AP1G1: variants seen among roughly 807,000 people sequenced by gnomAD.
AP1G1 encodes AP-1 complex subunit gamma-1.
Under a neutral mutation model 108.3 loss-of-function variants are expected in AP1G1, and 7 were observed. That is an observed-to-expected ratio of 0.06 (90% CI 0.04 to 0.12). The LOEUF is 0.12. AP1G1 is among the 10% of genes least tolerant of loss of function. The pLI is 1.00. For synonymous variants in AP1G1, 379 were observed against 353.5 expected, an observed-to-expected ratio of 1.07 and a Z score of -0.81; for missense variants, 756 against 1,010.7, an observed-to-expected ratio of 0.75 and a Z score of 3.42.
chr16:71,779,779 T>G (rs898271742), intron 2 of AP1G1, among the ~76,000 whole-genome samples: 2 of 152,144 alleles, frequency 1.3e-5, no homozygotes, highest in Non-Finnish European at 2.9e-5. Flanking sequence ...CGGTTACCCC[T>G]GGATAAAAGC....
At chr16:71,791,539 G>T (rs539085621) in intron 1 of AP1G1, among the ~76,000 whole-genome samples, 2 of 152,066 alleles carry the variant, frequency 1.3e-5, no homozygotes, top group Admixed American at 1.3e-4. Flanking sequence ...AAAAAAGTTA[G>T]CCAAACATAG....
chr16:71,766,186 T>C (rs2031305141), intron 6 of AP1G1, among the ~76,000 whole-genome samples: 1 of 152,162 alleles, frequency 6.6e-6, no homozygotes, highest in Admixed American at 6.5e-5. Context: ...TCTTTCATCT[T>C]AAGAGACATC....
At chr16:71,739,429 G>A in intron 19 of AP1G1, 88 bp from the exon 20 acceptor site, 1 of 1,064,924 alleles carries the variant, frequency 9.4e-7, no homozygotes, top group Non-Finnish European at 1.3e-6. Flanking sequence ...TTCGGTCTCA[G>A]GTTAAGGAAA....
At chr16:71,792,836 G>A (rs987038889) in intron 1 of AP1G1, among the ~76,000 whole-genome samples, 2 of 151,670 alleles carry the variant, frequency 1.3e-5, no homozygotes, top group East Asian at 3.9e-4. Context: ...CCAGGGTGAC[G>A]GAGCGAGACT....
intron 21 of AP1G1, among the ~76,000 whole-genome samples, 190 bp downstream of exon 21, chr16:71,738,752 G>C (rs1227560208): frequency 1.3e-5 from 2 of 152,058 alleles, no homozygotes; most frequent in Non-Finnish European, 2.9e-5. Flanking sequence ...CAGAATACTT[G>C]TAACCTAGTA....
chr16:71,807,904 A>C, intron 1 of AP1G1: 1 of 1,284,204 alleles, frequency 7.8e-7, no homozygotes, highest in Non-Finnish European at 1.0e-6. Context: ...CCAAAAAGCT[A>C]AGTATTCAGC....
At chr16:71,804,918 G>A (rs1416206280) in intron 1 of AP1G1, among the ~76,000 whole-genome samples, 3 of 152,140 alleles carry the variant, frequency 2.0e-5, no homozygotes, top group Admixed American at 6.6e-5. Flanking sequence ...TGAAGTGGGA[G>A]GATCACTTGA....
chr16:71,733,287 G>C, intron 22 of AP1G1, 128 bp from the exon 23 acceptor site: 4 of 709,534 alleles, frequency 5.6e-6, no homozygotes, highest in Non-Finnish European at 9.2e-6. Flanking sequence ...AAGAATGACA[G>C]GTAAACAACA....
intron 15 of AP1G1, among the ~76,000 whole-genome samples, chr16:71,748,832 G>A (rs561753249): frequency 1.3e-5 from 2 of 152,300 alleles, no homozygotes; most frequent in African/African-American, 4.8e-5. Flanking sequence ...CACTAGGACA[G>A]AGACTTGGGC....
At position 71,750,249 on chromosome 16, in the gene AP1G1, G is replaced by C; in HGVS notation, c.1368C>G (p.Val456=). Residue 456 remains valine (V), a synonymous_variant, in exon 14 of 23, where the codon GTC becomes GTG. Coordinates refer to ENST00000299980, the MANE Select transcript of AP1G1 (RefSeq NM_001128.6). ...CAAGAATTGCTTTGTACAGGCGCTG[G>C]ACAGTATAGGCATGCATCTCCACAC... ...TNSVEMHAYT[V]QRLYKAILGD... 2 of 1,613,998 alleles carry C rather than the reference G, an allele frequency of 1.2e-6. No individual in the cohort carries two copies. The highest frequency in any genetic ancestry group is 1.7e-6 in the Non-Finnish European group (2 of 1,179,948).
intron 2 of AP1G1, chr16:71,777,482 G>A (rs985458760): frequency 9.0e-5 from 20 of 223,088 alleles, no homozygotes; most frequent in African/African-American, 3.5e-4. Flanking sequence ...AAAGAAGAGG[G>A]TGGCGGCTCT....
chr16:71,802,203 C>T (rs1256323170), intron 1 of AP1G1, among the ~76,000 whole-genome samples: 3 of 151,216 alleles, frequency 2.0e-5, no homozygotes, highest in African/African-American at 7.4e-5. Flanking sequence ...ACCTATTTAA[C>T]TAAACCTCAA....
chr16:71,748,460 G>T, intron 15 of AP1G1, 82 bp from the exon 16 acceptor site: 1 of 1,467,300 alleles, frequency 6.8e-7, no homozygotes, highest in Non-Finnish European at 9.2e-7. Context: ...GTCAGGGGAA[G>T]CAGCCAGAAA....
chr16:71,748,256 A>G lies in AP1G1; in HGVS notation c.1620T>C (p.Thr540=). ...TATGTTTCTTCAATACTCACTTTAC[A>G]GTACAAGTGAATCGAGTGGAAAGCT... is the stretch of plus-strand genomic sequence containing the variant. The part of the protein sequence containing the change: ...IMKLSTRFTC[T]VNRIKKVVSI... The change falls in exon 16 of 23, where the codon ACT becomes ACC. Residue 540 remains threonine (T), a synonymous_variant. Coordinates refer to ENST00000299980, the MANE Select transcript of AP1G1 (RefSeq NM_001128.6). The G allele has an allele frequency of 6.2e-7, 1 of 1,613,250 alleles. No homozygotes were observed. Among genetic ancestry groups the G allele is most frequent in the Non-Finnish European group, 8.5e-7 (1 of 1,179,818 alleles).
intron 1 of AP1G1, among the ~76,000 whole-genome samples, chr16:71,791,308 A>T (rs1456434341): frequency 6.6e-6 from 1 of 152,146 alleles, no homozygotes; most frequent in Non-Finnish European, 1.5e-5. Flanking sequence ...ATTTTACCAT[A>T]TGTTAACTTT....
chr16:71,763,806 A>G (rs1402575706), intron 9 of AP1G1, among the ~76,000 whole-genome samples: 1 of 152,218 alleles, frequency 6.6e-6, no homozygotes, highest in African/African-American at 2.4e-5. Flanking sequence ...TTAATAAATG[A>G]TAGAATGAAC....
chr16:71,794,866 C>CTTTTTTTTTTTTTTTTTTTTTTT (rs2032528877), intron 1 of AP1G1, among the ~76,000 whole-genome samples: 48 of 46,624 alleles, frequency 1.0e-3, no homozygotes, highest in African/African-American at 1.0e-3. Flanking sequence ...TTTTTTTTTA[C>CTTTTTTTTTTTTTTTTTTTTTTT]TTTGAAATGC....
At chr16:71,787,934 T>TA (rs1366151759) in intron 2 of AP1G1, among the ~76,000 whole-genome samples, 1 of 152,228 alleles carries the variant, frequency 6.6e-6, no homozygotes, top group Non-Finnish European at 1.5e-5. Flanking sequence ...TATATGACTA[T>TA]ATTGATGACC....
chr16:71,807,215 C>T (rs1176182098), intron 1 of AP1G1, among the ~76,000 whole-genome samples: 4 of 152,186 alleles, frequency 2.6e-5, no homozygotes, highest in Admixed American at 1.3e-4. Context: ...TACCTGAGCT[C>T]AGGAGTTCGA....
Sources: gnomAD v4.1 joint callset for allele counts (sites outside exome capture counted in the v4.1 genomes callset) on GRCh38, gnomAD v4.1.1 for gene constraint, MANE v1.5 for transcripts, NCBI Gene and HGNC (gene_info 2026-07-23, HGNC 2026-07-21) for gene names.